ACTR3C: variants seen among roughly 807,000 people sequenced by gnomAD.
The protein encoded by ACTR3C is actin-related protein 3C.
In ACTR3C, 18 loss-of-function variants were observed where a neutral mutation model predicts 26.3. That is an observed-to-expected ratio of 0.68 (90% CI 0.47 to 1.01). The LOEUF is 1.01. ACTR3C is among the 50% of genes least tolerant of loss of function. The pLI is 0.00. For missense variants in ACTR3C, 184 were observed against 250.7 expected, an observed-to-expected ratio of 0.73 and a Z score of 1.80; for synonymous variants, 55 against 94.5, an observed-to-expected ratio of 0.58 and a Z score of 2.42.
At chr7:149,917,635 C>CTTT in the ACTR3C span, among the ~76,000 whole-genome samples, 66,185 of 93,252 alleles carry the variant, frequency 0.71, 25,300 homozygotes, top group South Asian at 0.81. Flanking sequence ...TGTTTTACAT[C>CTTT]TTTTTTTTTT....
chr7:150,135,236 C>T, the ACTR3C span, among the ~76,000 whole-genome samples: 2,425 of 152,092 alleles, frequency 0.016, 66 homozygotes, highest in African/African-American at 0.055. Flanking sequence ...CGCGCCACTG[C>T]GCTCCAACCC....
At chr7:150,273,240 T>C (rs1303104957) in intron 6 of ACTR3C, among the ~76,000 whole-genome samples, 1 of 143,342 alleles carries the variant, frequency 7.0e-6, no homozygotes, top group East Asian at 2.0e-4. Context: ...AGAAATAGCA[T>C]ACATCACTGC....
At chr7:149,937,880 G>A in the ACTR3C span, among the ~76,000 whole-genome samples, 2 of 152,166 alleles carry the variant, frequency 1.3e-5, no homozygotes, top group African/African-American at 4.8e-5. Context: ...CACACGAGAT[G>A]GGAGGTTGAC....
chr7:150,033,955 AG>A, the ACTR3C span, among the ~76,000 whole-genome samples: 11 of 82,228 alleles, frequency 1.3e-4, no homozygotes, highest in East Asian at 1.9e-3. Context: ...GCAAAGAGCG[AG>A]GGGGGGAAGG....
chr7:149,906,017 A>G, the ACTR3C span, among the ~76,000 whole-genome samples: 1 of 152,220 alleles, frequency 6.6e-6, no homozygotes, highest in Non-Finnish European at 1.5e-5. Flanking sequence ...GAAGTGAAAA[A>G]TGCCCAAAAG....
the ACTR3C span, among the ~76,000 whole-genome samples, chr7:149,912,756 C>T: frequency 2.0e-5 from 3 of 152,238 alleles, no homozygotes; most frequent in Non-Finnish European, 2.9e-5. Flanking sequence ...CTGCCTCGGC[C>T]TCCCAAAGTG....
rs762196930 is a variant in ACTR3C at position 150,274,449 on chromosome 7, A to C, written c.564+10304T>G. ...TAGTGCAAACATAGCCTTCATGTGC[A>C]CCAGGAAACCAAAAAATGTGTGTGG... On this transcript the variant is annotated intron_variant, in intron 6 of 7. Coordinates refer to ENST00000683684, the MANE Select transcript of ACTR3C (RefSeq NM_001164458.2). The surrounding 1 kb of genome is among the most constrained non-coding windows in gnomAD (Gnocchi z 4.1). 3.9e-5 allele frequency among the ~76,000 whole-genome samples: 6 copies of C among 152,248 alleles called. No homozygotes were observed. The highest frequency in any genetic ancestry group is 5.9e-5 in the Non-Finnish European group (4 of 68,026).
the ACTR3C span, among the ~76,000 whole-genome samples, chr7:150,079,574 C>T: frequency 1.4e-4 from 22 of 152,156 alleles, no homozygotes; most frequent in Non-Finnish European, 2.8e-4. Flanking sequence ...TGTGGTCCTC[C>T]GTTGGTGGAA....
At chr7:150,016,885 T>G in the ACTR3C span, among the ~76,000 whole-genome samples, 888 of 152,234 alleles carry the variant, frequency 5.8e-3, 35 homozygotes, top group East Asian at 0.11. Context: ...GGATCCATGG[T>G]GAGTTAAACA....
At chr7:149,951,335 T>C in the ACTR3C span, among the ~76,000 whole-genome samples, 1 of 144,964 alleles carries the variant, frequency 6.9e-6, no homozygotes, top group African/African-American at 2.8e-5. Flanking sequence ...AACCTACCAG[T>C]GTAAGACAAT....
the ACTR3C span, among the ~76,000 whole-genome samples, chr7:150,036,419 TTC>T: frequency 1.4e-5 from 2 of 146,818 alleles, no homozygotes; most frequent in African/African-American, 4.9e-5. Flanking sequence ...CTGCCATCTT[TTC>T]TCTCTCTGAC....
the ACTR3C span, among the ~76,000 whole-genome samples, chr7:149,914,537 C>T: frequency 2.0e-5 from 3 of 151,386 alleles, no homozygotes; most frequent in Non-Finnish European, 4.4e-5. Flanking sequence ...TGCACTCCAA[C>T]CTGGGCAACA....
At chr7:150,250,063 G>A (rs62502643) in intron 6 of ACTR3C, among the ~76,000 whole-genome samples, 267 of 152,224 alleles carry the variant, frequency 1.8e-3, no homozygotes, top group Non-Finnish European at 3.0e-3. Flanking sequence ...ATGAGGGGTG[G>A]CTGGAGCTTC....
At chr7:150,120,989 G>A in the ACTR3C span, among the ~76,000 whole-genome samples, 1 of 151,824 alleles carries the variant, frequency 6.6e-6, no homozygotes, top group African/African-American at 2.4e-5. Context: ...CAAAAACCAC[G>A]ATTATCTCAA....
chr7:150,250,170 A>C (rs1317643037), intron 6 of ACTR3C, among the ~76,000 whole-genome samples: 3 of 150,430 alleles, frequency 2.0e-5, no homozygotes, highest in Non-Finnish European at 1.5e-5. Flanking sequence ...TTTAGTTATT[A>C]GAATAAATGA....
chr7:150,146,222 A>G, the ACTR3C span, among the ~76,000 whole-genome samples: 2 of 151,472 alleles, frequency 1.3e-5, no homozygotes, highest in Non-Finnish European at 2.9e-5. Flanking sequence ...ACCAAATCCA[A>G]CATGACCCCT....
chr7:150,002,498 C>G, the ACTR3C span: 1 of 152,258 alleles, frequency 6.6e-6, no homozygotes, highest in South Asian at 2.1e-4. Flanking sequence ...CTTGAACAAT[C>G]CGACAGAGCC....
chr7:150,209,150 A>C, the ACTR3C span, among the ~76,000 whole-genome samples: 1 of 150,788 alleles, frequency 6.6e-6, no homozygotes, highest in Non-Finnish European at 1.5e-5. Flanking sequence ...TTAAAACTTC[A>C]AGCAGCCTAA....
At chr7:150,286,585 A>G (rs756814586) in intron 4 of ACTR3C, 45 bp from the exon 5 acceptor site, 2 of 1,595,788 alleles carry the variant, frequency 1.3e-6, no homozygotes, top group African/African-American at 2.7e-5. Flanking sequence ...ACAACTGCCC[A>G]GTGTCTCTGC....
Sources: gnomAD v4.1 joint callset for allele counts (sites outside exome capture counted in the v4.1 genomes callset) on GRCh38, gnomAD v4.1.1 for gene constraint, Gnocchi (gnomAD v3.1) non-coding constraint, MANE v1.5 for transcripts, NCBI Gene and HGNC (gene_info 2026-07-23, HGNC 2026-07-21) for gene names.